The following SLC4A4 variants were observed in gnomAD, a reference collection of about 807,000 sequenced individuals.
SLC4A4 encodes the protein electrogenic sodium bicarbonate cotransporter 1.
In SLC4A4, 27 loss-of-function variants were observed where a neutral mutation model predicts 111.5. The ratio of observed to expected loss-of-function variants is 0.24; its 90% CI spans 0.18 to 0.33. SLC4A4 has a LOEUF of 0.33. Ranked by LOEUF, SLC4A4 falls within the 10% of genes least tolerant of loss-of-function variation. The pLI, the probability that SLC4A4 is intolerant of heterozygous loss-of-function variation, is 1.00. For synonymous variants in SLC4A4, 443 were observed against 463.4 expected (o/e 0.96, Z 0.57); for missense variants, 909 against 1,315.5 (o/e 0.69, Z 4.78).
intron 7 of SLC4A4, among the ~76,000 whole-genome samples, chr4:71,414,312 A>T (rs1560485567): frequency 6.6e-6 from 1 of 152,210 alleles, no homozygotes; most frequent in Non-Finnish European, 1.5e-5. Context: ...CTAAGGCCTG[A>T]AGCACCAGCC....
intron 16 of SLC4A4, among the ~76,000 whole-genome samples, chr4:71,504,753 T>C (rs887963533): frequency 1.1e-4 from 17 of 151,976 alleles, no homozygotes; most frequent in Admixed American, 2.0e-4. Flanking sequence ...AGGGTACATA[T>C]ACAGGATGTG....
At chr4:71,473,648 A>T (rs1728090078) in intron 14 of SLC4A4, among the ~76,000 whole-genome samples, 1 of 151,872 alleles carries the variant, frequency 6.6e-6, no homozygotes, top group South Asian at 2.1e-4. Context: ...TCTATATCTT[A>T]GCCCTTTAAA....
chr4:71,351,114 A>G (rs1729788033), intron 5 of SLC4A4, among the ~76,000 whole-genome samples: 1 of 152,190 alleles, frequency 6.6e-6, no homozygotes, highest in Admixed American at 6.5e-5. Context: ...TCAACGCACA[A>G]AGTACTAACT....
chr4:71,213,445 A>C (rs1718249910), intron 1 of SLC4A4, among the ~76,000 whole-genome samples: 1 of 152,192 alleles, frequency 6.6e-6, no homozygotes, highest in Non-Finnish European at 1.5e-5. Context: ...GCTTGAAAGC[A>C]GGGGACTCTT....
intron 2 of SLC4A4, among the ~76,000 whole-genome samples, chr4:71,118,053 T>C (rs1743319882): frequency 6.6e-6 from 1 of 152,098 alleles, no homozygotes; most frequent in Non-Finnish European, 1.5e-5. Context: ...ATTTTGTATT[T>C]TTAGCAGAGA....
intron 16 of SLC4A4, among the ~76,000 whole-genome samples, chr4:71,522,020 A>C (rs931935431): frequency 8.5e-6 from 1 of 117,070 alleles, no homozygotes; most frequent in Non-Finnish European, 2.1e-5. Context: ...CTTAAAATGA[A>C]ACAGATTACC....
intron 1 of SLC4A4, among the ~76,000 whole-genome samples, chr4:71,232,369 T>TC: frequency 6.6e-6 from 1 of 152,260 alleles, no homozygotes; most frequent in Non-Finnish European, 1.5e-5. Context: ...TTTTCTACTA[T>TC]CCCCTCCAGT....
chr4:71,443,950 C>A (rs1480202618), intron 8 of SLC4A4, among the ~76,000 whole-genome samples: 4 of 152,130 alleles, frequency 2.6e-5, no homozygotes, highest in Admixed American at 6.5e-5. Context: ...GCATGTAATG[C>A]AGTTGGTTAT....
intron 1 of SLC4A4, among the ~76,000 whole-genome samples, chr4:71,229,471 C>T (rs1343699009): frequency 2.0e-5 from 3 of 152,144 alleles, no homozygotes; most frequent in Admixed American, 1.3e-4. Context: ...TTAGATTTGG[C>T]GTGATCTTGC....
At chr4:71,494,895 A>G (rs905942626) in intron 15 of SLC4A4, among the ~76,000 whole-genome samples, 37 of 152,168 alleles carry the variant, frequency 2.4e-4, no homozygotes, top group Admixed American at 5.9e-4. Context: ...ATATGGAACA[A>G]TAATATTGAA....
At chr4:71,071,270 A>AG (rs1741652459) in intron 1 of SLC4A4, among the ~76,000 whole-genome samples, 1 of 151,204 alleles carries the variant, frequency 6.6e-6, no homozygotes, top group Admixed American at 6.6e-5. Context: ...ACCGTCTTAA[A>AG]AAAAAAAAAA....
chr4:71,441,653 A>G (rs976958634), intron 8 of SLC4A4, among the ~76,000 whole-genome samples: 2 of 152,158 alleles, frequency 1.3e-5, no homozygotes, highest in Non-Finnish European at 2.9e-5. Context: ...CGGTCTGAGC[A>G]TGATTAACCA....
chr4:71,564,380 T>A (rs931872411), intron 24 of SLC4A4, among the ~76,000 whole-genome samples: 1 of 151,894 alleles, frequency 6.6e-6, no homozygotes, highest in East Asian at 1.9e-4. Flanking sequence ...TCATGAAGTA[T>A]TAGTACAACT....
rs866461436 is a variant in SLC4A4 at position 71,116,931 on chromosome 4, G to A, written c.-2+24139G>A. The stretch of plus-strand genomic sequence containing the variant: ...GCACTCCAGCCTGGGCAACAAGAGC[G>A]AAACTCCATCTCAAAAAAAAAAAAA... On this transcript the variant is annotated intron_variant, in intron 2 of 26. Transcript: ENST00000649996. 1.4e-3 allele frequency among the ~76,000 whole-genome samples: 200 copies of A among 146,104 alleles called. 1 individual carries two copies. Among genetic ancestry groups the A allele is most frequent in the African/African-American group, 5.0e-3 (195 of 39,298 alleles).
intron 6 of SLC4A4, among the ~76,000 whole-genome samples, chr4:71,380,454 A>G (rs1718017572): frequency 6.6e-6 from 1 of 152,166 alleles, no homozygotes; most frequent in Non-Finnish European, 1.5e-5. Context: ...TCTTCAACCC[A>G]CTTGAAGTTA....
At chr4:71,300,838 A>G in intron 3 of SLC4A4, 1 of 456,508 alleles carries the variant, frequency 2.2e-6, no homozygotes, top group Admixed American at 2.3e-5. Context: ...GCAGTGCTGG[A>G]GGCAGAGACA....
At chr4:71,151,916 T>C (rs1441449282) in intron 2 of SLC4A4, among the ~76,000 whole-genome samples, 1 of 151,808 alleles carries the variant, frequency 6.6e-6, no homozygotes, top group Non-Finnish European at 1.5e-5. Context: ...CAAAAATTTT[T>C]ATTAGAGGTG....
intron 5 of SLC4A4, among the ~76,000 whole-genome samples, chr4:71,353,142 C>T (rs766695755): frequency 6.6e-6 from 1 of 152,180 alleles, no homozygotes; most frequent in Non-Finnish European, 1.5e-5. Context: ...GTTAGCCAAG[C>T]ATTTTGTGGT....
At chr4:71,181,608 A>C (rs563220812) in intron 2 of SLC4A4, among the ~76,000 whole-genome samples, 1 of 152,314 alleles carries the variant, frequency 6.6e-6, no homozygotes, top group East Asian at 1.9e-4. Flanking sequence ...CTGGGTAAGT[A>C]AGCTTCTCTA....
Sources: gnomAD v4.1 joint callset for allele counts (sites outside exome capture counted in the v4.1 genomes callset) on GRCh38, gnomAD v4.1.1 for gene constraint, MANE v1.5 for transcripts, NCBI Gene and HGNC (gene_info 2026-07-23, HGNC 2026-07-21) for gene names.